NTRK2: variants seen among roughly 807,000 people sequenced by gnomAD.
NTRK2 encodes the protein BDNF/NT-3 growth factors receptor.
A neutral mutation model predicts 94.5 loss-of-function variants in NTRK2; 13 were observed. The observed-to-expected ratio is 0.14, with a 90% CI of 0.09 to 0.22. The LOEUF is 0.22. Among genes scored for constraint, NTRK2 ranks in the 10% least tolerant of loss-of-function variants. The pLI is 1.00. For synonymous variants in NTRK2, 372 were observed against 407.4 expected, an observed-to-expected ratio of 0.91 and a Z score of 1.05; for missense variants, 639 against 1,071.2, an observed-to-expected ratio of 0.60 and a Z score of 5.63.
intron 12 of NTRK2, among the ~76,000 whole-genome samples, chr9:84,752,854 T>C (rs533804058): frequency 4.6e-5 from 7 of 152,356 alleles, no homozygotes; most frequent in African/African-American, 1.7e-4. Context: ...TGGTCTCCTA[T>C]AGATAGACAC....
chr9:84,677,985 G>C lies in NTRK2; in HGVS notation c.212+7025G>C, dbSNP rs565063811. ...TTTTTATGTCAAATAAGGACAAATT[G>C]CTACTTAGCATCCCATCCTTTCCTG... On this transcript the variant is annotated intron_variant, in intron 2 of 18. Coordinates refer to ENST00000277120, the MANE Select transcript of NTRK2 (RefSeq NM_006180.6). Among the ~76,000 whole-genome samples, 4 of 152,244 alleles carry C rather than the reference G, an allele frequency of 2.6e-5. No individual in the cohort carries two copies. In the East Asian group the frequency reaches 7.7e-4, roughly 29 times the overall value.
rs141628866 is a variant in NTRK2 at position 84,910,500 on chromosome 9, G to A, written c.1634-23662G>A. On this transcript the variant is annotated intron_variant, in intron 14 of 18. Coordinates refer to ENST00000277120, the MANE Select transcript of NTRK2 (RefSeq NM_006180.6). ...TTTCCTGTCCCATCTAAGGATGCTC[G>A]TCATTGGATTTAAGGCCTACTCTAA... 2.8e-4 allele frequency among the ~76,000 whole-genome samples: 43 copies of A among 152,154 alleles called. No homozygotes were observed. The East Asian group carries it at 7.3e-3, about 26-fold the overall frequency.
intron 12 of NTRK2, among the ~76,000 whole-genome samples, chr9:84,786,747 C>T (rs1362399078): frequency 6.6e-6 from 1 of 152,162 alleles, no homozygotes; most frequent in Non-Finnish European, 1.5e-5. Flanking sequence ...TCCCAGTGGC[C>T]ACCACGTGTG....
intron 12 of NTRK2, among the ~76,000 whole-genome samples, chr9:84,834,758 G>A (rs2131711430): frequency 6.6e-6 from 1 of 152,230 alleles, no homozygotes; most frequent in Admixed American, 6.5e-5. Flanking sequence ...CTCATACACA[G>A]GGCCACCTTC....
intron 12 of NTRK2, among the ~76,000 whole-genome samples, chr9:84,782,539 G>C (rs1653544248): frequency 6.6e-6 from 1 of 152,032 alleles, no homozygotes; most frequent in Non-Finnish European, 1.5e-5. Context: ...GGAGCCTTTG[G>C]AAATGAAAAA....
At chr9:84,676,693 G>A (rs1182171977) in intron 2 of NTRK2, among the ~76,000 whole-genome samples, 6 of 152,244 alleles carry the variant, frequency 3.9e-5, no homozygotes, top group South Asian at 2.1e-4. Context: ...CCTCCCCTCC[G>A]TTCTGTGTTC....
At chr9:84,728,425 G>T (rs1263553848) in intron 9 of NTRK2, among the ~76,000 whole-genome samples, 2 of 152,028 alleles carry the variant, frequency 1.3e-5, no homozygotes, top group Non-Finnish European at 2.9e-5. Context: ...AGGATGCTTG[G>T]GTATCTTATG....
intron 2 of NTRK2, among the ~76,000 whole-genome samples, chr9:84,695,315 A>T (rs547815744): frequency 6.6e-6 from 1 of 152,310 alleles, no homozygotes; most frequent in East Asian, 1.9e-4. Flanking sequence ...GCTTAAAGAC[A>T]AGATGCATTA....
rs151212438 is a variant in NTRK2, at chr9:84,769,728, C to T, written c.1396+17643C>T. Among the ~76,000 whole-genome samples the T allele has an allele frequency of 3.9e-5, 6 of 152,302 alleles. No homozygotes were observed. In the East Asian group the frequency reaches 7.7e-4, roughly 20 times the overall value. On this transcript the variant is annotated intron_variant, in intron 12 of 18. Coordinates refer to ENST00000277120, the MANE Select transcript of NTRK2 (RefSeq NM_006180.6). ...TGCCCTCCATTAGGGACCAGCACAA[C>T]GTTCTTCAGCAGAAAACCACAACAG...
intron 13 of NTRK2, among the ~76,000 whole-genome samples, chr9:84,866,993 T>C (rs1180355515): frequency 6.6e-6 from 1 of 152,186 alleles, no homozygotes; most frequent in Non-Finnish European, 1.5e-5. Context: ...GTTCCATTCA[T>C]ATGAAATGCC....
At position 84,733,512 on chromosome 9, in the gene NTRK2, G is replaced by A. The variant is rs181976138; in HGVS notation, c.1159+5553G>A. Among the ~76,000 whole-genome samples the A allele has an allele frequency of 2.6e-5, 4 of 152,312 alleles. No individual in the cohort carries two copies. In the East Asian group the frequency reaches 5.8e-4, roughly 22 times the overall value. On this transcript the variant is annotated intron_variant, in intron 9 of 18. Transcript: ENST00000277120. ...AGCGAGTTGTAACACTTGAGACAAC[G>A]TAGACCCTACCTCTTAGGAAGGTGG...
intron 12 of NTRK2, among the ~76,000 whole-genome samples, chr9:84,756,312 C>T (rs916800140): frequency 2.0e-5 from 3 of 152,152 alleles, no homozygotes; most frequent in Non-Finnish European, 2.9e-5. Context: ...GTTTAGCTCT[C>T]GCATTGCTTC....
chr9:84,850,690 C>T (rs1033577250), intron 12 of NTRK2, among the ~76,000 whole-genome samples: 1 of 152,150 alleles, frequency 6.6e-6, no homozygotes, highest in South Asian at 2.1e-4. Context: ...CAGGAAATAA[C>T]GAATCTAAGA....
chr9:84,832,154 A>G (rs959591450), intron 12 of NTRK2, among the ~76,000 whole-genome samples: 15 of 152,314 alleles, frequency 9.8e-5, no homozygotes, highest in African/African-American at 3.6e-4. Flanking sequence ...TTCTCTCCAT[A>G]TAACTGGAAA....
chr9:84,985,225 A>C (rs1429672118), intron 17 of NTRK2, among the ~76,000 whole-genome samples: 3 of 152,234 alleles, frequency 2.0e-5, no homozygotes, highest in Non-Finnish European at 2.9e-5. Context: ...TCTATGAGTG[A>C]TTCAAAATGA....
chr9:84,707,511 T>A (rs1228112611), intron 4 of NTRK2, among the ~76,000 whole-genome samples: 1 of 152,188 alleles, frequency 6.6e-6, no homozygotes, highest in Non-Finnish European at 1.5e-5. Flanking sequence ...ATCTTACATA[T>A]CCTCCTATTA....
intron 11 of NTRK2, among the ~76,000 whole-genome samples, chr9:84,747,997 C>T (rs2064247071): frequency 6.6e-6 from 1 of 152,106 alleles, no homozygotes; most frequent in African/African-American, 2.4e-5. Flanking sequence ...CAGGAGGGAT[C>T]ATTAGATTAG....
chr9:84,754,175 T>C (rs1389855072), intron 12 of NTRK2, among the ~76,000 whole-genome samples: 7 of 152,130 alleles, frequency 4.6e-5, no homozygotes, highest in Admixed American at 4.6e-4. Context: ...TAAGAAAGAG[T>C]GTGCTTAACC....
chr9:84,832,956 C>A (rs990392575), intron 12 of NTRK2, among the ~76,000 whole-genome samples: 2 of 152,132 alleles, frequency 1.3e-5, no homozygotes, highest in Non-Finnish European at 2.9e-5. Flanking sequence ...CCTGCACACT[C>A]TATGGAGCCT....
Sources: allele counts gnomAD v4.1 joint callset (sites outside exome capture counted in the v4.1 genomes callset), GRCh38; gene constraint gnomAD v4.1.1; transcripts MANE v1.5; gene names NCBI Gene and HGNC (gene_info 2026-07-23, HGNC 2026-07-21).